The following TENM4 variants were observed in gnomAD, a reference collection of about 807,000 sequenced individuals.
The protein encoded by TENM4 is teneurin transmembrane protein 4, also known as teneurin-4.
Under a neutral mutation model 243.3 loss-of-function variants are expected in TENM4, and 82 were observed. That is an observed-to-expected ratio of 0.34 (90% CI 0.28 to 0.40). TENM4 has a LOEUF of 0.40. Ranked by LOEUF, TENM4 falls within the 10% of genes least tolerant of loss-of-function variation. TENM4 has a pLI of 1.00. For missense variants in TENM4, 3,138 were observed against 3,673.3 expected (o/e 0.85, Z 3.77); for synonymous variants, 1,412 against 1,456.3 (o/e 0.97, Z 0.69).
chr11:78,949,891 C>T (rs1378420166), intron 6 of TENM4, among the ~76,000 whole-genome samples: 3 of 152,172 alleles, frequency 2.0e-5, no homozygotes, highest in Non-Finnish European at 2.9e-5. Context: ...GGAATGATCA[C>T]TGTCCTCTCT....
chr11:79,293,502 G>A (rs1380169969), intron 2 of TENM4, among the ~76,000 whole-genome samples: 2 of 132,760 alleles, frequency 1.5e-5, no homozygotes, highest in African/African-American at 5.5e-5. Context: ...GCAAAACACT[G>A]TCCCTTAAAA....
chr11:79,033,223 C>T (rs2136865447), intron 6 of TENM4, among the ~76,000 whole-genome samples: 1 of 152,204 alleles, frequency 6.6e-6, no homozygotes, highest in African/African-American at 2.4e-5. Context: ...ATCCCTAGTG[C>T]TTGGCACAGG....
intron 15 of TENM4, among the ~76,000 whole-genome samples, chr11:78,798,179 G>C (rs373496957): frequency 1.3e-5 from 2 of 152,084 alleles, no homozygotes; most frequent in Non-Finnish European, 2.9e-5. Context: ...ATTTTGCCTC[G>C]TAAATAAAAT....
rs1482853005 is a variant in TENM4 at position 78,771,157 on chromosome 11, G to T, written c.2393-19C>A. 6.4e-7 allele frequency: 1 copy of T among 1,559,036 alleles called. No homozygotes were observed. Among genetic ancestry groups the T allele is most frequent in the East Asian group, 2.4e-5 (1 of 41,412 alleles). ...CAACCCTCTGAAAGACAAAGTACAG[G>T]GTTGAGGTCTGATCACCCAGAGTCA... is the stretch of plus-strand genomic sequence containing the variant. On this transcript the variant is annotated intron_variant, in intron 17 of 33. Transcript: ENST00000278550.
chr11:79,282,955 A>T (rs931622581), intron 2 of TENM4, among the ~76,000 whole-genome samples: 1 of 152,162 alleles, frequency 6.6e-6, no homozygotes, highest in African/African-American at 2.4e-5. Flanking sequence ...GCTTCACTGC[A>T]GTGTTGTTTC....
intron 32 of TENM4, among the ~76,000 whole-genome samples, chr11:78,664,673 C>A (rs982903794): frequency 1.3e-5 from 2 of 152,224 alleles, no homozygotes; most frequent in African/African-American, 4.8e-5. Context: ...CAAAGTCCCT[C>A]TTCTCACTGA....
intron 6 of TENM4, among the ~76,000 whole-genome samples, chr11:78,989,598 T>C (rs1857992051): frequency 6.6e-6 from 1 of 152,234 alleles, no homozygotes; most frequent in African/African-American, 2.4e-5. Context: ...AAATCACAGT[T>C]CAGCCATCTC....
chr11:78,820,198 C>T (rs918160282), intron 12 of TENM4, among the ~76,000 whole-genome samples: 5 of 152,142 alleles, frequency 3.3e-5, no homozygotes, highest in Admixed American at 1.3e-4. Flanking sequence ...AATGGAACTG[C>T]GAAAAGCAAA....
chr11:79,266,355 T>C (rs573861623), intron 2 of TENM4, among the ~76,000 whole-genome samples: 5 of 152,304 alleles, frequency 3.3e-5, no homozygotes, highest in African/African-American at 4.8e-5. Flanking sequence ...ATGAGCAAAA[T>C]AGTCAAAAAT....
chr11:79,287,851 A>AGT (rs1856284613), intron 2 of TENM4, among the ~76,000 whole-genome samples: 1 of 151,082 alleles, frequency 6.6e-6, no homozygotes, highest in African/African-American at 2.5e-5. Context: ...CTCAGAAGTC[A>AGT]CACTGCATCA....
At chr11:78,828,611 C>A (rs1857910330) in intron 12 of TENM4, among the ~76,000 whole-genome samples, 1 of 152,178 alleles carries the variant, frequency 6.6e-6, no homozygotes, top group African/African-American at 2.4e-5. Context: ...TATCTTTGAG[C>A]CAGAGGCCAA....
At chr11:79,424,750 C>T (rs184715497) in intron 1 of TENM4, among the ~76,000 whole-genome samples, 17 of 152,122 alleles carry the variant, frequency 1.1e-4, no homozygotes, top group East Asian at 1.9e-4. Context: ...CTGGTTAACA[C>T]GGTGAAATCC....
intron 6 of TENM4, among the ~76,000 whole-genome samples, chr11:79,024,966 G>A (rs998723433): frequency 1.1e-4 from 16 of 152,204 alleles, no homozygotes; most frequent in African/African-American, 3.4e-4. Context: ...GAAGGGGGAA[G>A]ATGTTAGGAT....
intron 1 of TENM4, among the ~76,000 whole-genome samples, chr11:79,404,487 A>C (rs142038618): frequency 2.1e-4 from 32 of 152,304 alleles, no homozygotes; most frequent in African/African-American, 6.5e-4. Flanking sequence ...GAATAGGTAC[A>C]GTTTCCTTTT....
chr11:79,017,157 C>T (rs1262917963), intron 6 of TENM4, among the ~76,000 whole-genome samples: 1 of 152,178 alleles, frequency 6.6e-6, no homozygotes, highest in Non-Finnish European at 1.5e-5. Context: ...GAGCAGCCCA[C>T]CTTTGGTGGG....
intron 1 of TENM4, among the ~76,000 whole-genome samples, chr11:79,428,732 G>T (rs1859106434): frequency 6.6e-6 from 1 of 152,206 alleles, no homozygotes; most frequent in African/African-American, 2.4e-5. Flanking sequence ...CCAAAAACGA[G>T]GGCAGGGGTG....
chr11:79,228,499 G>C (rs1038194051), intron 2 of TENM4, among the ~76,000 whole-genome samples: 2 of 152,132 alleles, frequency 1.3e-5, no homozygotes, highest in Admixed American at 6.5e-5. Flanking sequence ...GTGCAGACTT[G>C]CTTGCCACCT....
chr11:79,030,577 C>G (rs575741524), intron 6 of TENM4, among the ~76,000 whole-genome samples: 1 of 152,256 alleles, frequency 6.6e-6, no homozygotes, highest in South Asian at 2.1e-4. Context: ...CTCAGGGTGT[C>G]AGTCCTCTCC....
chr11:79,201,502 C>CCA (rs1863735693), intron 3 of TENM4, among the ~76,000 whole-genome samples: 6 of 145,600 alleles, frequency 4.1e-5, no homozygotes, highest in Non-Finnish European at 6.0e-5. Context: ...AATAACCAGG[C>CCA]AAAAAAAAAA....
Sources: gnomAD v4.1 joint callset for allele counts (sites outside exome capture counted in the v4.1 genomes callset) on GRCh38, gnomAD v4.1.1 for gene constraint, MANE v1.5 for transcripts, NCBI Gene and HGNC (gene_info 2026-07-23, HGNC 2026-07-21) for gene names.